Variants in NTN1 observed in about 807,000 individuals in gnomAD.
The protein encoded by NTN1 is netrin 1.
A neutral mutation model predicts 54.2 loss-of-function variants in NTN1; 11 were observed. The ratio of observed to expected loss-of-function variants is 0.20; its 90% CI spans 0.13 to 0.34. The LOEUF (loss-of-function observed/expected upper bound fraction) is 0.34, where lower values mean the gene tolerates loss of function less well. Among genes scored for constraint, NTN1 ranks in the 10% least tolerant of loss-of-function variants. NTN1 has a pLI of 1.00. For missense variants in NTN1, 740 were observed against 893.1 expected, an observed-to-expected ratio of 0.83 and a Z score of 2.18; for synonymous variants, 371 against 382.0, an observed-to-expected ratio of 0.97 and a Z score of 0.33.
intron 5 of NTN1, among the ~76,000 whole-genome samples, chr17:9,207,318 A>C (rs1224097941): frequency 6.6e-6 from 1 of 152,256 alleles, no homozygotes; most frequent in East Asian, 1.9e-4. Flanking sequence ...GACATACTTG[A>C]GTGAGAAATA....
chr17:9,242,242 G>A lies in NTN1; in HGVS notation c.*2274G>A, dbSNP rs1368835016. On this transcript the variant is annotated 3_prime_UTR_variant, in exon 7 of 7. Transcript: ENST00000173229. ...CTGGCAGAGGTGCCTCAGGGGCAGG[G>A]AGCAGACAGACCTGCCCTGGGAAGG... is the stretch of plus-strand genomic sequence containing the variant. 6.6e-6 allele frequency: 1 copy of A among 152,394 alleles called. No homozygotes were observed. Among genetic ancestry groups the A allele is most frequent in the Non-Finnish European group, 1.5e-5 (1 of 68,172 alleles). The allele number at this position is 152,394 out of a possible 1,614,324, so 9.4% of individuals were successfully genotyped here.
chr17:9,176,706 G>C (rs1334819539), intron 3 of NTN1: 1 of 152,174 alleles, frequency 6.6e-6, no homozygotes, highest in Admixed American at 6.5e-5. Flanking sequence ...GATTGCACTG[G>C]GTACAGGTAA....
rs150641420 is a variant in NTN1, at chr17:9,198,507, G to A, written c.1411+15538G>A. ...GCTCCAGCCACCTCTGCTATACTTGGTAGGTGATTTGGTGGGAAGGGAAGT... is the reference window on the plus strand; with the variant it reads ...GCTCCAGCCACCTCTGCTATACTTGATAGGTGATTTGGTGGGAAGGGAAGT... On this transcript the variant is annotated intron_variant, in intron 5 of 6. Coordinates refer to ENST00000173229, the MANE Select transcript of NTN1 (RefSeq NM_004822.3). 1.6e-3 allele frequency among the ~76,000 whole-genome samples: 237 copies of A among 152,316 alleles called. 2 individuals are homozygous for A. Among genetic ancestry groups the A allele is most frequent in the African/African-American group, 5.6e-3 (231 of 41,584 alleles).
chr17:9,009,010 C>T, the NTN1 span, among the ~76,000 whole-genome samples: 7 of 152,286 alleles, frequency 4.6e-5, no homozygotes, highest in South Asian at 1.5e-3. Flanking sequence ...CATTGCACTC[C>T]AGCCAGGGTG....
chr17:9,073,342 A>C (rs188355442), intron 2 of NTN1, among the ~76,000 whole-genome samples: 62 of 152,254 alleles, frequency 4.1e-4, no homozygotes, highest in Middle Eastern at 6.8e-3. Context: ...CTGGGAAGAA[A>C]CTGAACTTAT....
intron 5 of NTN1, 52 bp downstream of exon 5, chr17:9,183,021 G>T (rs11078789): frequency 0.35 from 553,017 of 1,568,064 alleles, 104,495 homozygotes; most frequent in East Asian, 0.56. Flanking sequence ...GTGGTGGGGT[G>T]GTGGGGTGGG....
the NTN1 span, among the ~76,000 whole-genome samples, chr17:9,011,051 T>C: frequency 8.7e-4 from 133 of 152,242 alleles, no homozygotes; most frequent in African/African-American, 3.2e-3. Flanking sequence ...ATGTGCAGCC[T>C]AGATCCTTCT....
At chr17:9,222,265 C>A (rs887239891) in intron 6 of NTN1, among the ~76,000 whole-genome samples, 1 of 152,244 alleles carries the variant, frequency 6.6e-6, no homozygotes, top group Admixed American at 6.5e-5. Flanking sequence ...GGACATAGCC[C>A]ATCTTTCCTG....
intron 2 of NTN1, among the ~76,000 whole-genome samples, chr17:9,128,918 GAAGA>G (rs934791236): frequency 6.6e-6 from 1 of 152,218 alleles, no homozygotes; most frequent in Admixed American, 6.5e-5. Flanking sequence ...CTGTGGAACA[GAAGA>G]AAGAGCATTT....
At chr17:9,073,323 A>G (rs1448224686) in intron 2 of NTN1, among the ~76,000 whole-genome samples, 2 of 152,224 alleles carry the variant, frequency 1.3e-5, no homozygotes, top group African/African-American at 2.4e-5. Context: ...GAACCTGAAC[A>G]TGAGTCATCT....
At chr17:9,123,931 T>A (rs569033895) in intron 2 of NTN1, among the ~76,000 whole-genome samples, 3 of 152,356 alleles carry the variant, frequency 2.0e-5, no homozygotes, top group African/African-American at 7.2e-5. Flanking sequence ...CCGGGAGCGC[T>A]TACTGTCCTC....
rs1429086151 is a variant in NTN1 at position 9,240,509 on chromosome 17, A to T, written c.*541A>T. 6.6e-6 allele frequency: 1 copy of T among 152,298 alleles called. No homozygotes were observed. The highest frequency in any genetic ancestry group is 1.5e-5 in the Non-Finnish European group (1 of 68,130). 9.4% of individuals were successfully genotyped at this position (152,298 alleles called of 1,614,324 possible). ...CCCCCCTTTCTCCCCGGCCCCTTCT[A>T]GCAGTTCCCCGCGGGCCACCTGGCT... On this transcript the variant is annotated 3_prime_UTR_variant, in exon 7 of 7. Transcript: ENST00000173229.
At position 9,023,069 on chromosome 17, in the gene NTN1, C is replaced by T. The variant is rs1401636588; in HGVS notation, c.696C>T (p.Phe232=). Residue 232 remains phenylalanine (F), a synonymous_variant, in exon 2 of 7, where the codon TTC becomes TTT. Transcript: ENST00000173229. The part of the protein sequence containing the change: ...TLDGRPSAHD[F]DNSPVLQDWV... The stretch of plus-strand genomic sequence containing the variant: ...ACGGGCGGCCCTCGGCGCACGACTT[C>T]GACAACTCGCCCGTGCTGCAGGACT... 1 of 1,577,098 alleles carries T rather than the reference C, an allele frequency of 6.3e-7. No homozygotes were observed. The highest frequency in any genetic ancestry group is 1.1e-5 in the South Asian group (1 of 86,962).
chr17:9,163,663 A>G (rs977419217), intron 3 of NTN1, among the ~76,000 whole-genome samples: 1 of 152,190 alleles, frequency 6.6e-6, no homozygotes, highest in African/African-American at 2.4e-5. Flanking sequence ...TGAAGCAAGC[A>G]CTAATGTTTT....
At chr17:9,234,212 A>G (rs974814832) in intron 6 of NTN1, among the ~76,000 whole-genome samples, 12 of 152,154 alleles carry the variant, frequency 7.9e-5, no homozygotes, top group Admixed American at 2.0e-4. Flanking sequence ...CTTAGCTCGC[A>G]CTGTCCTGGT....
chr17:9,032,601 G>A (rs567192290), intron 2 of NTN1, among the ~76,000 whole-genome samples: 49 of 152,262 alleles, frequency 3.2e-4, no homozygotes, highest in African/African-American at 1.1e-3. Context: ...AGAAAGTGCC[G>A]AACAAGAATA....
chr17:9,221,037 C>T lies in NTN1; in HGVS notation c.1412-131C>T. 8.0e-6 allele frequency: 6 copies of T among 746,204 alleles called. No individual in the cohort carries two copies. Among genetic ancestry groups the T allele is most frequent in the Non-Finnish European group, 1.4e-5 (6 of 415,926 alleles). 46.2% of individuals were successfully genotyped at this position (746,204 alleles called of 1,614,324 possible). On this transcript the variant is annotated intron_variant, in intron 5 of 6. Transcript: ENST00000173229. The surrounding 1 kb of genome is among the most constrained non-coding windows in gnomAD (Gnocchi z 4.5). ...AGGCCTTTCCTGAATGGCCGCCTGCCCGCCCGGCCTGGCCCATGGGTATCA... is the reference window on the plus strand; with the variant it reads ...AGGCCTTTCCTGAATGGCCGCCTGCTCGCCCGGCCTGGCCCATGGGTATCA...
rs539161884 is a variant in NTN1, at chr17:9,221,150, C to A, written c.1412-18C>A. 3 of 1,472,048 alleles carry A rather than the reference C, an allele frequency of 2.0e-6. No homozygotes were observed. The highest frequency in any genetic ancestry group is 4.6e-5 in the East Asian group (2 of 43,918). The allele number at this position is 1,472,048 out of a possible 1,614,324, so 91.2% of individuals were successfully genotyped here. A position where few individuals can be genotyped will look rare whatever the true frequency, so the allele number is the denominator to read the frequency against. On this transcript the variant is annotated intron_variant, in intron 5 of 6. Coordinates refer to ENST00000173229, the MANE Select transcript of NTN1 (RefSeq NM_004822.3). This position sits in a 1 kb window ranked among gnomAD's most constrained non-coding sequence, Gnocchi z 4.5. ...CCTAATTAGTTTTTGTCTGTGCTCCCCCCCCACCCCCCTGCAGACTGCGAT... is the reference window on the plus strand; with the variant it reads ...CCTAATTAGTTTTTGTCTGTGCTCCACCCCCACCCCCCTGCAGACTGCGAT...
intron 2 of NTN1, among the ~76,000 whole-genome samples, chr17:9,093,609 C>T (rs941338370): frequency 1.3e-5 from 2 of 152,184 alleles, no homozygotes; most frequent in East Asian, 1.9e-4. Flanking sequence ...GTCCTCCTGC[C>T]GCAGCCTCTC....
Sources: gnomAD v4.1 joint callset for allele counts (sites outside exome capture counted in the v4.1 genomes callset) on GRCh38, gnomAD v4.1.1 for gene constraint, Gnocchi (gnomAD v3.1) non-coding constraint, MANE v1.5 for transcripts, NCBI Gene and HGNC (gene_info 2026-07-23, HGNC 2026-07-21) for gene names.